Variants in ZBTB20 observed in about 807,000 individuals in gnomAD.
ZBTB20 encodes the protein zinc finger and BTB domain-containing protein 20.
In ZBTB20, 9 loss-of-function variants were observed where a neutral mutation model predicts 56.9. The observed-to-expected ratio is 0.16, with a 90% CI of 0.10 to 0.28. The LOEUF is 0.28. ZBTB20 is among the 10% of genes least tolerant of loss of function. ZBTB20 has a pLI of 1.00. For missense variants in ZBTB20, 655 were observed against 1,003.0 expected (o/e 0.65, Z 4.69); for synonymous variants, 417 against 420.7 (o/e 0.99, Z 0.11).
At position 114,380,262 on chromosome 3, in the gene ZBTB20, T is replaced by C. The variant is rs72950611; in HGVS notation, c.154A>G (p.Thr52Ala). ...LSPDPALIHS[T>A]HSLTNSHAHT... ...GCGTGAGAGTTTGTCAGTGAATGTGTTGAGTGGATGAGGGCTGGGTCTGGA... is the reference window on the plus strand; with the variant it reads ...GCGTGAGAGTTTGTCAGTGAATGTGCTGAGTGGATGAGGGCTGGGTCTGGA... Residue 52 changes from threonine (T) to alanine (A), a missense_variant, in exon 10 of 12, where the codon ACA (threonine) becomes GCA (alanine). Transcript: ENST00000675478. 1.3e-3 allele frequency: 2,061 copies of C among 1,536,970 alleles called. 18 individuals are homozygous for C. In the African/African-American group the frequency reaches 0.026, roughly 19 times the overall value.
intron 7 of ZBTB20, among the ~76,000 whole-genome samples, chr3:114,403,703 A>G (rs2087025802): frequency 6.6e-6 from 1 of 152,130 alleles, no homozygotes; most frequent in African/African-American, 2.4e-5. Flanking sequence ...GTTATTATAA[A>G]GCAAACTTCA....
chr3:114,813,991 A>T (rs975080184), intron 4 of ZBTB20, among the ~76,000 whole-genome samples: 1 of 151,986 alleles, frequency 6.6e-6, no homozygotes, highest in Non-Finnish European at 1.5e-5. Flanking sequence ...CTTTGTTGCT[A>T]ATGAAAGTTA....
chr3:114,368,325 AAAC>A (rs1230330795), intron 10 of ZBTB20, among the ~76,000 whole-genome samples: 1 of 152,216 alleles, frequency 6.6e-6, no homozygotes, highest in Non-Finnish European at 1.5e-5. Context: ...GAATATTGGA[AAAC>A]AACACATAGC....
intron 5 of ZBTB20, among the ~76,000 whole-genome samples, chr3:114,704,994 T>C (rs375505620): frequency 2.6e-5 from 4 of 152,294 alleles, no homozygotes; most frequent in Admixed American, 2.6e-4. Flanking sequence ...CTATATGTAC[T>C]ATACCATTTA....
intron 1 of ZBTB20, among the ~76,000 whole-genome samples, chr3:115,110,688 T>C (rs1038070702): frequency 2.0e-5 from 3 of 152,164 alleles, no homozygotes; most frequent in Non-Finnish European, 2.9e-5. Flanking sequence ...ATGAAGAGAA[T>C]TGTATATAAA....
At chr3:114,709,772 AG>A (rs908065074) in intron 5 of ZBTB20, among the ~76,000 whole-genome samples, 6 of 152,196 alleles carry the variant, frequency 3.9e-5, no homozygotes, top group Admixed American at 1.3e-4. Context: ...CAAATCCCTT[AG>A]CTCTAGCCAA....
chr3:115,094,099 C>T (rs551607185), intron 1 of ZBTB20, among the ~76,000 whole-genome samples: 3 of 152,066 alleles, frequency 2.0e-5, no homozygotes, highest in South Asian at 2.1e-4. Flanking sequence ...CATCTCTAGT[C>T]GTCTCCCTTC....
intron 2 of ZBTB20, among the ~76,000 whole-genome samples, chr3:114,991,079 G>A (rs1049002620): frequency 3.9e-5 from 6 of 152,004 alleles, no homozygotes; most frequent in African/African-American, 1.4e-4. Context: ...TTGATTTTTT[G>A]AAGGGTTTTT....
chr3:115,134,884 A>C (rs576136645), intron 1 of ZBTB20, among the ~76,000 whole-genome samples: 1 of 152,342 alleles, frequency 6.6e-6, no homozygotes, highest in African/African-American at 2.4e-5. Context: ...ACAGCCTGTC[A>C]GTTCCCTGCA....
At chr3:114,585,166 TAC>T (rs931207863) in intron 6 of ZBTB20, among the ~76,000 whole-genome samples, 4 of 151,970 alleles carry the variant, frequency 2.6e-5, no homozygotes, top group Non-Finnish European at 4.4e-5. Flanking sequence ...AGGCTGAAGT[TAC>T]ACAGTGTAGG....
chr3:115,111,005 AAAATAAATAAAT>A (rs148918475), intron 1 of ZBTB20, among the ~76,000 whole-genome samples: 3,148 of 144,788 alleles, frequency 0.022, 41 homozygotes, highest in South Asian at 0.054. Flanking sequence ...AATAAAAATA[AAAATAAATAAAT>A]AAATAAATAA....
intron 5 of ZBTB20, among the ~76,000 whole-genome samples, chr3:114,710,913 T>C (rs931807174): frequency 1.3e-5 from 2 of 152,310 alleles, no homozygotes; most frequent in East Asian, 1.9e-4. Context: ...TTTGGTCCAC[T>C]TGAGCCACAC....
intron 7 of ZBTB20, among the ~76,000 whole-genome samples, chr3:114,450,951 C>G (rs1392408525): frequency 1.3e-5 from 2 of 152,000 alleles, no homozygotes; most frequent in East Asian, 3.9e-4. Flanking sequence ...AGTAGAAATG[C>G]CTGTTTCGTT....
At chr3:114,572,570 G>A (rs1166246891) in intron 6 of ZBTB20, among the ~76,000 whole-genome samples, 4 of 152,198 alleles carry the variant, frequency 2.6e-5, no homozygotes, top group Admixed American at 6.5e-5. Flanking sequence ...GTGGAGGCCT[G>A]AGGGAGAGAG....
intron 2 of ZBTB20, among the ~76,000 whole-genome samples, chr3:114,975,960 G>A (rs573892250): frequency 6.6e-6 from 1 of 152,248 alleles, no homozygotes; most frequent in South Asian, 2.1e-4. Flanking sequence ...CTCAGTGAAT[G>A]AATGAACAGC....
At chr3:114,568,648 C>T (rs925937160) in intron 6 of ZBTB20, among the ~76,000 whole-genome samples, 1 of 152,130 alleles carries the variant, frequency 6.6e-6, no homozygotes, top group Non-Finnish European at 1.5e-5. Context: ...CTACCAAATG[C>T]TTTATTTCTT....
rs2079318567 is a variant in ZBTB20 at position 114,333,035 on chromosome 3, C to T, written c.*5970G>A. The T allele has an allele frequency of 6.6e-6, 1 of 152,146 alleles. No homozygotes were observed. Among genetic ancestry groups the T allele is most frequent in the African/African-American group, 2.4e-5 (1 of 41,420 alleles). 9.4% of individuals were successfully genotyped at this position (152,146 alleles called of 1,614,324 possible). A position where few individuals can be genotyped will look rare whatever the true frequency, so the allele number is the denominator to read the frequency against. On this transcript the variant is annotated 3_prime_UTR_variant, in exon 12 of 12. Transcript: ENST00000675478. ...TTCCATAACCATTCCCAGGGATCGG[C>T]TAAGGTACATTGCTGACTGCTATAG...
rs185340980 is a variant in ZBTB20, at chr3:114,381,235, G to A, written c.-153-295C>T. Among the ~76,000 whole-genome samples the A allele has an allele frequency of 5.3e-5, 8 of 152,196 alleles. No individual in the cohort carries two copies. The East Asian group carries it at 1.2e-3, about 22-fold the overall frequency. On this transcript the variant is annotated intron_variant, in intron 8 of 11. Transcript: ENST00000675478. Reference sequence around the variant, plus strand: ...TACTCCAACTCTTTACTCATCCTACGCCTAAGATTTTTGATTTGGTGCATC... The same window carrying A: ...TACTCCAACTCTTTACTCATCCTACACCTAAGATTTTTGATTTGGTGCATC...
chr3:115,071,577 C>T (rs2082410450), intron 1 of ZBTB20, among the ~76,000 whole-genome samples, 163 bp from the exon 2 acceptor site: 1 of 152,170 alleles, frequency 6.6e-6, no homozygotes, highest in African/African-American at 2.4e-5. Flanking sequence ...TTTCTTTCCA[C>T]TGGTCAGAAT....
Sources: allele counts gnomAD v4.1 joint callset (sites outside exome capture counted in the v4.1 genomes callset), GRCh38; gene constraint gnomAD v4.1.1; transcripts MANE v1.5; gene names NCBI Gene and HGNC (gene_info 2026-07-23, HGNC 2026-07-21).